The following F5 variants were observed in gnomAD, a reference collection of about 807,000 sequenced individuals.
F5 encodes coagulation factor V.
Under a neutral mutation model 216.4 loss-of-function variants are expected in F5, and 138 were observed. The observed-to-expected ratio is 0.64, with a 90% confidence interval of 0.56 to 0.73. The LOEUF (loss-of-function observed/expected upper bound fraction) is 0.73. Among genes scored for constraint, F5 ranks in the 30% least tolerant of loss-of-function variants. F5 has a pLI of 0.00. For synonymous variants in F5, 916 were observed against 930.7 expected, an observed-to-expected ratio of 0.98 and a Z score of 0.29; for missense variants, 2,403 against 2,674.0, an observed-to-expected ratio of 0.90 and a Z score of 2.24.
Position 169,555,083 on chromosome 1 carries a change from C to T in F5, c.1118+99G>A, listed in dbSNP as rs1571586098. The T allele has an allele frequency of 1.1e-5, 14 of 1,320,742 alleles. No homozygotes were observed. The East Asian group carries it at 3.0e-4, about 28-fold the overall frequency. The allele number at this position is 1,320,742 out of a possible 1,614,324, so 81.8% of individuals were successfully genotyped here. On this transcript the variant is annotated intron_variant, in intron 7 of 24. Coordinates refer to ENST00000367797, the MANE Select transcript of F5 (RefSeq NM_000130.5). ...TTGAATAGAAACCAATACATGTGTC[C>T]CCTTGAGAGCTGTGAACTTACATTT...
chr1:169,546,028 G>A (rs780058516), intron 11 of F5, among the ~76,000 whole-genome samples: 2 of 152,134 alleles, frequency 1.3e-5, no homozygotes, highest in Non-Finnish European at 2.9e-5. Flanking sequence ...CTACTTTGAT[G>A]TGTCAATCCA....
chr1:169,571,875 T>A (rs889596853), intron 3 of F5, among the ~76,000 whole-genome samples: 2 of 152,146 alleles, frequency 1.3e-5, no homozygotes, highest in African/African-American at 2.4e-5. Flanking sequence ...AAACTTACTA[T>A]CTGGCCCTTT....
At chr1:169,536,739 G>A (rs1193167471) in intron 13 of F5, 59 bp from the exon 14 acceptor site, 1 of 1,400,302 alleles carries the variant, frequency 7.1e-7, no homozygotes, top group African/African-American at 1.4e-5. Context: ...CCAGAATTTA[G>A]GAAATTGTCT....
At chr1:169,580,304 A>C (rs1660958950) in intron 2 of F5, among the ~76,000 whole-genome samples, 1 of 152,090 alleles carries the variant, frequency 6.6e-6, no homozygotes, top group Admixed American at 6.5e-5. Flanking sequence ...GCTCCTGGAA[A>C]TCAAGGTCCA....
intron 24 of F5, 151 bp downstream of exon 24, chr1:169,515,293 T>G: frequency 1.1e-6 from 1 of 946,288 alleles, no homozygotes; most frequent in Non-Finnish European, 1.7e-6. Context: ...CAACCAGGAG[T>G]TTGTCTGAGA....
chr1:169,533,752 G>A (rs1437116735), intron 14 of F5, among the ~76,000 whole-genome samples: 2 of 152,066 alleles, frequency 1.3e-5, no homozygotes, highest in Non-Finnish European at 2.9e-5. Flanking sequence ...ATAGATGCTG[G>A]TGAGGCTGTG....
chr1:169,577,560 A>AATATAT (rs3035292), intron 2 of F5, among the ~76,000 whole-genome samples: 755 of 54,310 alleles, frequency 0.014, 17 homozygotes, highest in Non-Finnish European at 0.018. Context: ...GGCTAATTTA[A>AATATAT]ATATATATAT....
intron 2 of F5, among the ~76,000 whole-genome samples, chr1:169,577,542 C>T (rs537710073): frequency 7.7e-4 from 91 of 118,586 alleles, no homozygotes; most frequent in African/African-American, 2.5e-3. Context: ...GTATGTACCA[C>T]CATGTCTGGC....
intron 13 of F5, among the ~76,000 whole-genome samples, chr1:169,539,435 T>A (rs891460711): frequency 1.3e-5 from 2 of 151,722 alleles, no homozygotes; most frequent in African/African-American, 4.8e-5. Context: ...TCTCACTCCC[T>A]CGGGGCCTTG....
At chr1:169,533,197 G>A (rs1659629350) in intron 14 of F5, among the ~76,000 whole-genome samples, 1 of 152,116 alleles carries the variant, frequency 6.6e-6, no homozygotes, top group Non-Finnish European at 1.5e-5. Context: ...CCCATATGTG[G>A]AAGAATGAAA....
chr1:169,517,322 A>G (rs1336160455), intron 23 of F5, among the ~76,000 whole-genome samples: 1 of 152,158 alleles, frequency 6.6e-6, no homozygotes, highest in African/African-American at 2.4e-5. Flanking sequence ...ACATTCTGTG[A>G]TTCCATATTG....
chr1:169,586,230 T>C lies in F5; in HGVS notation c.157A>G (p.Ser53Gly), dbSNP rs1335831778. 6.2e-7 allele frequency: 1 copy of C among 1,614,096 alleles called. No individual in the cohort carries two copies. The highest frequency in any genetic ancestry group is 1.1e-5 in the South Asian group (1 of 91,078). Reference protein sequence around the residue: ...WSYRPEPTNSSLNLSVTSFKK... With the variant: ...WSYRPEPTNSGLNLSVTSFKK... ...ACCCGGACTCCACACCTGAGTTACC[T>C]TGAGTTTGTGGGCTCAGGTCGGTAG... Residue 53 changes from serine (S) to glycine (G), a missense_variant and splice_region_variant, in exon 1 of 25, where the codon AGT (serine) becomes GGT (glycine). By Grantham distance (56) the Ser-to-Gly change is moderately conservative. This residue lies in a region of F5 where 1,425 missense variants were observed against 1,554.8 expected (regional missense o/e 0.92). Transcript: ENST00000367797.
In F5 at chr1:169,552,655, CGTACTGTGT is replaced by C. The variant is rs751205958; in HGVS notation, c.1189_1197del (p.Thr397_Tyr399del). 2 of 1,612,850 alleles carry C rather than the reference CGTACTGTGT, an allele frequency of 1.2e-6. No individual in the cohort carries two copies. Among genetic ancestry groups the C allele is most frequent in the Admixed American group, 3.3e-5 (2 of 60,006 alleles). ...GTATGTTTGGTGAAGGACTCATCTT[CGTACTGTGT>C]GTACATAACTTTCTTATAATGTTTT... On this transcript the variant is annotated inframe_deletion, in exon 8 of 25. Transcript: ENST00000367797.
In F5 at chr1:169,542,682, G is replaced by T; in HGVS notation, c.2408C>A (p.Ala803Asp). 1 of 1,614,132 alleles carries T rather than the reference G, an allele frequency of 6.2e-7. No homozygotes were observed. The highest frequency in any genetic ancestry group is 8.5e-7 in the Non-Finnish European group (1 of 1,179,992). Residue 803 changes from alanine to aspartate, a missense_variant, in exon 13 of 25, where the codon GCC becomes GAC. Ala to Asp is a moderately radical substitution (Grantham distance 126). Around this residue, in one of 4 missense-constraint regions of F5, gnomAD observed 1,425 missense variants for 1,554.8 expected, o/e 0.92. Coordinates refer to ENST00000367797, the MANE Select transcript of F5 (RefSeq NM_000130.5). ...EPQKAPSHQQ[A>D]TTAGSPLRHL... The stretch of plus-strand genomic sequence containing the variant: ...TCTCAGTGGGGAACCAGCTGTGGTG[G>T]CTTGTTGGTGAGAAGGGGCTTTCTG...
In F5 at chr1:169,541,286, A is replaced by G. The variant is rs1800594; in HGVS notation, c.3804T>C (p.Ser1268=). 528,132 of 1,581,322 alleles carry G rather than the reference A, an allele frequency of 0.33. 90,328 individuals carry two copies. The highest frequency in any genetic ancestry group is 0.5 in the Admixed American group (28,674 of 57,454). ...LSPELSQTNL[S]PALGQMPLSP... is the part of the protein sequence containing the mutation. ...AAAGGGGCATCTGACCGAGGGCTGGAGAAAGGTTTGTCTGACTGAGTTCTG... is the reference window on the plus strand; with the variant it reads ...AAAGGGGCATCTGACCGAGGGCTGGGGAAAGGTTTGTCTGACTGAGTTCTG... Residue 1268 remains serine (S), a synonymous_variant, in exon 13 of 25, where the codon TCT becomes TCC. Coordinates refer to ENST00000367797, the MANE Select transcript of F5 (RefSeq NM_000130.5).
chr1:169,529,784 A>G lies in F5; in HGVS notation c.5243T>C (p.Leu1748Pro). The G allele has an allele frequency of 6.2e-7, 1 of 1,613,610 alleles. No individual in the cohort carries two copies. Among genetic ancestry groups the G allele is most frequent in the South Asian group, 1.1e-5 (1 of 91,068 alleles). ...KDIHSGLIGP[L>P]LICQKGILHK... ...TAGTATTCCTTTTTGGCAGATTAGG[A>G]GGGGACCTATCAAGCCTGAGTGAAT... Residue 1748 changes from leucine to proline, a missense_variant, in exon 16 of 25, where the codon CTC (leucine) becomes CCC (proline). This residue lies in a region of F5 where 659 missense variants were observed against 787.9 expected (regional missense o/e 0.84). Transcript: ENST00000367797.
chr1:169,546,697 CTGTGACAA>C (rs1660011224), intron 10 of F5, 105 bp from the exon 11 acceptor site: 1 of 1,029,548 alleles, frequency 9.7e-7, no homozygotes. Flanking sequence ...ACTATCTGAT[CTGTGACAA>C]AAGCAAGCAA....
chr1:169,547,739 G>A (rs1312605980), intron 10 of F5, among the ~76,000 whole-genome samples: 1 of 152,190 alleles, frequency 6.6e-6, no homozygotes, highest in East Asian at 1.9e-4. Context: ...TACACTCTTG[G>A]TGGGAGTGTA....
chr1:169,551,355 T>A (rs112983820), intron 8 of F5, among the ~76,000 whole-genome samples: 1 of 152,142 alleles, frequency 6.6e-6, no homozygotes, highest in African/African-American at 2.4e-5. Flanking sequence ...GAGGCTGAGG[T>A]GCGAGAATCG....
Sources: gnomAD v4.1 joint callset for allele counts (sites outside exome capture counted in the v4.1 genomes callset) on GRCh38, gnomAD v4.1.1 for gene constraint, gnomAD v4.1.1 regional missense constraint, MANE v1.5 for transcripts, NCBI Gene and HGNC (gene_info 2026-07-23, HGNC 2026-07-21) for gene names.